The following PARP11 variants were observed in gnomAD, a reference collection of about 807,000 sequenced individuals.
PARP11 encodes the protein protein mono-ADP-ribosyltransferase PARP11.
A neutral mutation model predicts 42.9 loss-of-function variants in PARP11; 31 were observed. That is an observed-to-expected ratio of 0.72 (90% CI 0.54 to 0.98). PARP11 has a LOEUF of 0.98. Ranked by LOEUF, PARP11 falls within the 50% of genes least tolerant of loss-of-function variation. PARP11 has a pLI of 0.00. For synonymous variants in PARP11, 137 were observed against 127.3 expected, an observed-to-expected ratio of 1.08 and a Z score of -0.51; for missense variants, 365 against 413.1, an observed-to-expected ratio of 0.88 and a Z score of 1.01.
intron 1 of PARP11, chr12:3,842,466 A>T: frequency 1.9e-6 from 3 of 1,606,484 alleles, no homozygotes; most frequent in Non-Finnish European, 2.6e-6. Context: ...CATTTAGGGG[A>T]GATAGGAGGA....
Position 3,840,183 on chromosome 12 carries a change from G to A in PARP11, c.19-10165C>T. 6.2e-7 allele frequency: 1 copy of A among 1,610,410 alleles called. No individual in the cohort carries two copies. Among genetic ancestry groups the A allele is most frequent in the Non-Finnish European group, 8.5e-7 (1 of 1,176,584 alleles). On this transcript the variant is annotated intron_variant, in intron 1 of 7. Coordinates refer to ENST00000228820, the MANE Select transcript of PARP11 (RefSeq NM_020367.6). This position sits in a 1 kb window ranked among gnomAD's most constrained non-coding sequence, Gnocchi z 4.4. Reference sequence around the variant, plus strand: ...TTGGAGACAAATGTCAAGTTAGGTTGGATCACAATGGAAAATTTTTGAATG... The same window carrying A: ...TTGGAGACAAATGTCAAGTTAGGTTAGATCACAATGGAAAATTTTTGAATG...
intron 1 of PARP11, chr12:3,841,502 A>C: frequency 1.3e-6 from 2 of 1,539,254 alleles, no homozygotes; most frequent in Non-Finnish European, 1.8e-6. Context: ...GCTAGTGTTA[A>C]TGGTCAAATG....
intron 1 of PARP11, chr12:3,841,385 TC>T: frequency 7.7e-7 from 1 of 1,304,748 alleles, no homozygotes; most frequent in Non-Finnish European, 1.1e-6. Context: ...TACCCAAAGG[TC>T]CCTGTCCCTG....
At position 3,873,194 on chromosome 12, in the gene PARP11, T is replaced by TCCCGC. The variant is rs1428502851; in HGVS notation, c.18+13_18+17dup. The TCCCGC allele has an allele frequency of 2.3e-5, 34 of 1,486,534 alleles. No individual in the cohort carries two copies. The highest frequency in any genetic ancestry group is 3.0e-5 in the Non-Finnish European group (33 of 1,093,406). 92.1% of individuals were successfully genotyped at this position (1,486,534 alleles called of 1,614,324 possible). A position where few individuals can be genotyped will look rare whatever the true frequency, so the allele number is the denominator to read the frequency against. On this transcript the variant is annotated intron_variant, in intron 1 of 7. Transcript: ENST00000228820. ...AACCCCGCCCCCTGGGCCCGCCCCG[T>TCCCGC]CCCGCCCGGCTACTCACTGGATTCG...
At chr12:3,842,281 G>A (rs1367856883) in intron 1 of PARP11, 15 of 1,601,304 alleles carry the variant, frequency 9.4e-6, no homozygotes, top group Non-Finnish European at 1.3e-5. Flanking sequence ...TTTGAGAAGT[G>A]GTAGATCCAA....
intron 1 of PARP11, among the ~76,000 whole-genome samples, chr12:3,846,274 T>TTA (rs1947992423): frequency 6.9e-6 from 1 of 144,552 alleles, no homozygotes; most frequent in African/African-American, 2.5e-5. Context: ...TGCATATATT[T>TTA]AAAAAAAAAA....
chr12:3,836,024 TAC>T (rs773407266), intron 1 of PARP11, among the ~76,000 whole-genome samples: 2 of 151,600 alleles, frequency 1.3e-5, no homozygotes, highest in African/African-American at 2.4e-5. Flanking sequence ...TATATATATA[TAC>T]ACACACACAT....
intron 7 of PARP11, 38 bp downstream of exon 7, chr12:3,813,999 C>T: frequency 6.7e-7 from 1 of 1,492,216 alleles, no homozygotes; most frequent in Non-Finnish European, 9.1e-7. Context: ...GAAACTCTCT[C>T]CTGGGGCTCA....
At chr12:3,872,263 T>C (rs574729912) in intron 1 of PARP11, among the ~76,000 whole-genome samples, 1 of 152,280 alleles carries the variant, frequency 6.6e-6, no homozygotes, top group Non-Finnish European at 1.5e-5. Context: ...TGTCTATTCT[T>C]CATGGGTCCT....
At position 3,840,472 on chromosome 12, in the gene PARP11, T is replaced by C. The variant is rs909095341; in HGVS notation, c.19-10454A>G. On this transcript the variant is annotated intron_variant, in intron 1 of 7. Coordinates refer to ENST00000228820, the MANE Select transcript of PARP11 (RefSeq NM_020367.6). The surrounding 1 kb of genome is among the most constrained non-coding windows in gnomAD (Gnocchi z 4.4). ...TCCTTCAGGAGTAAGACAACGTGAGTTCTCTAGTCATTCTTCAGGGTCACA... is the reference window on the plus strand; with the variant it reads ...TCCTTCAGGAGTAAGACAACGTGAGCTCTCTAGTCATTCTTCAGGGTCACA... 11 of 1,612,994 alleles carry C rather than the reference T, an allele frequency of 6.8e-6. No homozygotes were observed. Among genetic ancestry groups the C allele is most frequent in the Non-Finnish European group, 9.3e-6 (11 of 1,179,114 alleles).
chr12:3,847,885 G>T (rs1208218064), intron 1 of PARP11, among the ~76,000 whole-genome samples: 1 of 152,096 alleles, frequency 6.6e-6, no homozygotes, highest in Non-Finnish European at 1.5e-5. Context: ...AATTTCCTTT[G>T]TTGACAGAAG....
chr12:3,834,850 C>T (rs1005828161), intron 1 of PARP11, among the ~76,000 whole-genome samples: 2 of 151,890 alleles, frequency 1.3e-5, no homozygotes, highest in African/African-American at 4.8e-5. Context: ...ATGATCAGGG[C>T]AGAACGTGGG....
chr12:3,863,316 T>C (rs1423668765), intron 1 of PARP11, among the ~76,000 whole-genome samples: 18 of 152,242 alleles, frequency 1.2e-4, no homozygotes, highest in Non-Finnish European at 1.5e-5. Context: ...AAAGACAGCT[T>C]TACTTCTTGC....
chr12:3,811,809 G>A lies in PARP11; in HGVS notation c.*314C>T, dbSNP rs1322185398. ...AATCATTTATCCTGATAACACACACGTAAACTTTAAAGATCTCAATGACCA... is the reference window on the plus strand; with the variant it reads ...AATCATTTATCCTGATAACACACACATAAACTTTAAAGATCTCAATGACCA... On this transcript the variant is annotated 3_prime_UTR_variant, in exon 8 of 8. Coordinates refer to ENST00000228820, the MANE Select transcript of PARP11 (RefSeq NM_020367.6). 2 of 266,438 alleles carry A rather than the reference G, an allele frequency of 7.5e-6. No individual in the cohort carries two copies. The highest frequency in any genetic ancestry group is 1.3e-4 in the South Asian group (1 of 7,476). 16.5% of individuals were successfully genotyped at this position (266,438 alleles called of 1,614,324 possible).
chr12:3,860,318 C>T (rs1379942251), intron 1 of PARP11, among the ~76,000 whole-genome samples: 1 of 152,156 alleles, frequency 6.6e-6, no homozygotes, highest in South Asian at 2.1e-4. Context: ...CAAATGTGTG[C>T]TCTTCTTTAA....
At chr12:3,818,838 A>G (rs1947340900) in intron 6 of PARP11, among the ~76,000 whole-genome samples, 1 of 152,080 alleles carries the variant, frequency 6.6e-6, no homozygotes, top group African/African-American at 2.4e-5. Flanking sequence ...TACATCTTCT[A>G]TTGGTTTTCT....
intron 2 of PARP11, among the ~76,000 whole-genome samples, chr12:3,829,684 G>A (rs1375232158): frequency 6.6e-6 from 1 of 152,130 alleles, no homozygotes; most frequent in Non-Finnish European, 1.5e-5. Context: ...ACCCTCTATT[G>A]TTTCTTCTAA....
intron 1 of PARP11, among the ~76,000 whole-genome samples, chr12:3,871,236 TAAAGTA>T (rs1948472596): frequency 6.6e-6 from 1 of 152,236 alleles, no homozygotes; most frequent in Non-Finnish European, 1.5e-5. Context: ...TAGGGGTTAT[TAAAGTA>T]AATTTATGCA....
chr12:3,833,098 TG>T (rs1190507966), intron 1 of PARP11, among the ~76,000 whole-genome samples: 1 of 152,258 alleles, frequency 6.6e-6, no homozygotes, highest in Non-Finnish European at 1.5e-5. Context: ...TCAAGTTTTC[TG>T]ATATAAATTT....
Sources: allele counts gnomAD v4.1 joint callset (sites outside exome capture counted in the v4.1 genomes callset), GRCh38; gene constraint gnomAD v4.1.1; non-coding constraint Gnocchi (gnomAD v3.1); transcripts MANE v1.5; gene names NCBI Gene and HGNC (gene_info 2026-07-23, HGNC 2026-07-21).